ZMYM4: variants seen among roughly 807,000 people sequenced by gnomAD.
The protein encoded by ZMYM4 is zinc finger MYM-type protein 4.
ZMYM4 carries 31 observed loss-of-function variants against 183.2 expected under a neutral mutation model. The ratio of observed to expected loss-of-function variants is 0.17; its 90% CI spans 0.13 to 0.23. The LOEUF is 0.23. Ranked by LOEUF, ZMYM4 falls within the 10% of genes least tolerant of loss-of-function variation. The pLI is 1.00. For missense variants in ZMYM4, 1,273 were observed against 1,840.3 expected (o/e 0.69, Z 5.64); for synonymous variants, 592 against 631.2 (o/e 0.94, Z 0.93).
Position 35,362,377 on chromosome 1 carries a change from GA to G in ZMYM4, c.840+589del, listed in dbSNP as rs1643958312. On this transcript the variant is annotated intron_variant, in intron 5 of 29. Coordinates refer to ENST00000314607, the MANE Select transcript of ZMYM4 (RefSeq NM_005095.3). The stretch of plus-strand genomic sequence containing the variant: ...AGGTTGCTCTGGAGATAAAATCATA[GA>G]GATCTTAAAACTGTGAGGTCCTGAA... 2.0e-5 allele frequency among the ~76,000 whole-genome samples: 3 copies of G among 152,216 alleles called. No individual in the cohort carries two copies. The South Asian group carries it at 6.2e-4, about 31-fold the overall frequency.
At chr1:35,367,186 G>A (rs914171115) in intron 5 of ZMYM4, among the ~76,000 whole-genome samples, 3 of 152,008 alleles carry the variant, frequency 2.0e-5, no homozygotes, top group African/African-American at 7.2e-5. Flanking sequence ...TGTGGCAAAT[G>A]CTGTTAAATG....
intron 7 of ZMYM4, among the ~76,000 whole-genome samples, chr1:35,378,553 CAGTG>C (rs2148957574): frequency 6.6e-6 from 1 of 152,260 alleles, no homozygotes; most frequent in South Asian, 2.1e-4. Context: ...GACTAGATGT[CAGTG>C]AGCAGTAATA....
intron 1 of ZMYM4, among the ~76,000 whole-genome samples, chr1:35,306,359 T>C (rs1235196198): frequency 1.3e-5 from 2 of 152,190 alleles, no homozygotes; most frequent in African/African-American, 4.8e-5. Context: ...CTATGAATGC[T>C]TGTTTATTTT....
At chr1:35,336,675 G>C (rs548149) in intron 2 of ZMYM4, among the ~76,000 whole-genome samples, 113,371 of 152,060 alleles carry the variant, frequency 0.75, 47,670 homozygotes, top group Non-Finnish European at 0.97. Context: ...AAAATGCTGG[G>C]ATTACAGGCA....
intron 1 of ZMYM4, among the ~76,000 whole-genome samples, 199 bp from the exon 2 acceptor site, chr1:35,325,161 G>T (rs1359317633): frequency 6.6e-6 from 1 of 151,910 alleles, no homozygotes; most frequent in African/African-American, 2.4e-5. Context: ...TTAGTTTTTG[G>T]TTTGGGGCTT....
intron 17 of ZMYM4, among the ~76,000 whole-genome samples, chr1:35,393,027 C>A (rs1357756736): frequency 1.3e-5 from 2 of 152,202 alleles, no homozygotes; most frequent in East Asian, 3.8e-4. Context: ...TATCCTCCCT[C>A]TGACCCATTA....
chr1:35,361,894 AAAGGAAACTCTTAAAGAAGGTTG>A (rs1643944649), intron 5 of ZMYM4, 105 bp downstream of exon 5: 1 of 1,419,896 alleles, frequency 7.0e-7, no homozygotes, highest in African/African-American at 1.4e-5. Flanking sequence ...TGACAGGGTG[AAAGGAAACTCTTAAAGAAGGTTG>A]AGGCGATTTG....
chr1:35,388,988 C>T lies in ZMYM4; in HGVS notation c.2342C>T (p.Thr781Ile), dbSNP rs746354593. Residue 781 changes from threonine (T) to isoleucine (I), a missense_variant, in exon 14 of 30, where the codon ACA becomes ATA. Coordinates refer to ENST00000314607, the MANE Select transcript of ZMYM4 (RefSeq NM_005095.3). ...HCKMCSYCLQ[T>I]SPKLVQNNLG... ...AAAATGTGCAGTTATTGTTTACAGACATCTCCCAAATTGGTACAGAATAAT... is the reference window on the plus strand; with the variant it reads ...AAAATGTGCAGTTATTGTTTACAGATATCTCCCAAATTGGTACAGAATAAT... The T allele has an allele frequency of 1.2e-6, 2 of 1,614,144 alleles. No homozygotes were observed. The highest frequency in any genetic ancestry group is 1.1e-5 in the South Asian group (1 of 91,080).
chr1:35,354,435 G>A (rs1643740113), intron 2 of ZMYM4, among the ~76,000 whole-genome samples: 1 of 152,072 alleles, frequency 6.6e-6, no homozygotes, highest in Non-Finnish European at 1.5e-5. Flanking sequence ...TGTAAAAGTT[G>A]AATTGTTGGG....
chr1:35,272,779 G>A (rs1639678262), intron 1 of ZMYM4, among the ~76,000 whole-genome samples: 1 of 152,148 alleles, frequency 6.6e-6, no homozygotes, highest in African/African-American at 2.4e-5. Flanking sequence ...CGCTATCTCA[G>A]CTCACTGCAA....
chr1:35,345,066 G>T (rs1414420937), intron 2 of ZMYM4, among the ~76,000 whole-genome samples: 1 of 152,124 alleles, frequency 6.6e-6, no homozygotes, highest in African/African-American at 2.4e-5. Flanking sequence ...AAATGTTCTT[G>T]TACACAGTTA....
chr1:35,284,158 A>G (rs1315319580), intron 1 of ZMYM4, among the ~76,000 whole-genome samples: 1 of 151,586 alleles, frequency 6.6e-6, no homozygotes, highest in Admixed American at 6.6e-5. Flanking sequence ...TTGTATTTTT[A>G]GTAGAGACGG....
In ZMYM4 at chr1:35,393,609, A is replaced by G. The variant is rs1644749890; in HGVS notation, c.2781A>G (p.Thr927=). The change falls in exon 18 of 30, where the codon ACA becomes ACG. Residue 927 remains threonine (T), a synonymous_variant. Transcript: ENST00000314607. ...TTTTTTACTAGGCAAGTACTCAAAC[A>G]GATGCCCTGAAACTGCCACCTTCCC... The part of the protein sequence containing the change: ...AKIIGDASTQ[T]DALKLPPSQP... 6.2e-7 allele frequency: 1 copy of G among 1,608,666 alleles called. No individual in the cohort carries two copies. The highest frequency in any genetic ancestry group is 8.5e-7 in the Non-Finnish European group (1 of 1,177,114).
At chr1:35,390,370 A>AGG (rs1162241555) in intron 15 of ZMYM4, among the ~76,000 whole-genome samples, 2 of 151,916 alleles carry the variant, frequency 1.3e-5, no homozygotes, top group African/African-American at 4.8e-5. Flanking sequence ...GAGTCAGTGA[A>AGG]GGGAGATGGG....
intron 25 of ZMYM4, among the ~76,000 whole-genome samples, chr1:35,405,839 T>G (rs931503804): frequency 6.6e-6 from 1 of 151,922 alleles, no homozygotes; most frequent in African/African-American, 2.4e-5. Flanking sequence ...TACAGTGAGA[T>G]CTATGTAACT....
intron 9 of ZMYM4, 125 bp downstream of exon 9, chr1:35,381,883 A>G: frequency 8.4e-7 from 1 of 1,185,840 alleles, no homozygotes; most frequent in Non-Finnish European, 1.2e-6. Flanking sequence ...CATGGCTCAC[A>G]CCTGTAATCC....
chr1:35,330,445 T>C (rs771484510), intron 2 of ZMYM4, among the ~76,000 whole-genome samples: 1 of 151,518 alleles, frequency 6.6e-6, no homozygotes, highest in Non-Finnish European at 1.5e-5. Flanking sequence ...GAGCCTGGAG[T>C]AGGGAGGAAG....
intron 1 of ZMYM4, among the ~76,000 whole-genome samples, chr1:35,284,836 G>A (rs896344545): frequency 7.2e-5 from 11 of 152,200 alleles, no homozygotes; most frequent in Middle Eastern, 6.8e-3. Context: ...TCTTAGAAGG[G>A]CATTAATCAC....
At chr1:35,365,998 A>G (rs984048801) in intron 5 of ZMYM4, 4 of 152,226 alleles carry the variant, frequency 2.6e-5, no homozygotes, top group African/African-American at 7.2e-5. Flanking sequence ...GAAGTTTGCA[A>G]TAGCCATCAC....
Sources: gnomAD v4.1 joint callset for allele counts (sites outside exome capture counted in the v4.1 genomes callset) on GRCh38, gnomAD v4.1.1 for gene constraint, MANE v1.5 for transcripts, NCBI Gene and HGNC (gene_info 2026-07-23, HGNC 2026-07-21) for gene names.